CKMT2: variants seen among roughly 807,000 people sequenced by gnomAD.
CKMT2 encodes the protein creatine kinase S-type, mitochondrial.
CKMT2 carries 43 observed loss-of-function variants against 48.9 expected under a neutral mutation model. The observed-to-expected ratio is 0.88, with a 90% confidence interval of 0.69 to 1.13. The LOEUF (loss-of-function observed/expected upper bound fraction) is 1.13, where lower values mean the gene tolerates loss of function less well. Among genes scored for constraint, CKMT2 ranks in the 50% most tolerant of loss-of-function variants. The probability of loss-of-function intolerance (pLI) is 0.00; values close to 1 mark genes in which losing one functional copy is unlikely to be tolerated. For synonymous variants in CKMT2, 206 were observed against 213.0 expected (o/e 0.97, Z 0.29); for missense variants, 472 against 555.4 (o/e 0.85, Z 1.51).
In CKMT2 at chr5:81,263,527, C is replaced by T; in HGVS notation, c.1051C>T (p.Leu351Phe). ...TTCTAAGATCCTGGAAAACCTAAGA[C>T]TCCAGAAGCGTGGCACAGGTGGTGT... is the stretch of plus-strand genomic sequence containing the variant. Reference protein sequence around the residue: ...RFSKILENLRLQKRGTGGVDT... With the variant: ...RFSKILENLRFQKRGTGGVDT... The change falls in exon 9 of 10, where the codon CTC (leucine) becomes TTC (phenylalanine). Residue 351 changes from leucine (L) to phenylalanine (F), a missense_variant. Physicochemically the swap from Leu to Phe is conservative, Grantham distance 22. Transcript: ENST00000254035. 7 of 1,613,354 alleles carry T rather than the reference C, an allele frequency of 4.3e-6. No homozygotes were observed. Among genetic ancestry groups the T allele is most frequent in the Non-Finnish European group, 5.9e-6 (7 of 1,179,522 alleles).
At position 81,257,751 on chromosome 5, in the gene CKMT2, A is replaced by ATTTC. The variant is rs750603389; in HGVS notation, c.776_779dup (p.Ile261SerfsTer6). On this transcript the variant is annotated frameshift_variant, in exon 7 of 10. Coordinates refer to ENST00000254035, the MANE Select transcript of CKMT2 (RefSeq NM_001099735.2). LOFTEE classifies it high-confidence loss of function. ...TCATTAGGCATAATTATGATAAGAC[A>ATTTC]TTTCTCATCTGGATAAATGAGGAGG... 1.2e-6 allele frequency: 2 copies of ATTTC among 1,612,044 alleles called. No individual in the cohort carries two copies. The highest frequency in any genetic ancestry group is 2.2e-5 in the South Asian group (2 of 90,990).
intron 1 of CKMT2, among the ~76,000 whole-genome samples, chr5:81,248,963 A>C (rs749899862): frequency 6.6e-6 from 1 of 152,028 alleles, no homozygotes; most frequent in Non-Finnish European, 1.5e-5. Context: ...ACACATCAGC[A>C]AGTTCTTTGA....
intron 2 of CKMT2, 89 bp from the exon 3 acceptor site, chr5:81,252,606 T>G (rs1310598509): frequency 1.5e-6 from 2 of 1,336,828 alleles, no homozygotes; most frequent in Admixed American, 1.7e-5. Context: ...GAAGGGAGCC[T>G]AGTGGAAGGA....
rs200838735 is a variant in CKMT2 at position 81,263,569 on chromosome 5, G to A, written c.1093G>A (p.Ala365Thr). 18 of 1,612,556 alleles carry A rather than the reference G, an allele frequency of 1.1e-5. No homozygotes were observed. The highest frequency in any genetic ancestry group is 1.7e-4 in the Middle Eastern group (1 of 6,046). Residue 365 changes from alanine (A) to threonine (T), a missense_variant, in exon 9 of 10, where the codon GCA becomes ACA. Coordinates refer to ENST00000254035, the MANE Select transcript of CKMT2 (RefSeq NM_001099735.2). ...GTGGVDTAAV[A>T]DVYDISNIDR... is the part of the protein sequence containing the mutation. ...AGGTGGTGTGGACACTGCCGCGGTC[G>A]CAGATGTGTACGACATTTCCAACAT...
At chr5:81,259,813 A>G (rs1757149045) in intron 8 of CKMT2, among the ~76,000 whole-genome samples, 1 of 152,152 alleles carries the variant, frequency 6.6e-6, no homozygotes, top group Non-Finnish European at 1.5e-5. Context: ...TATTAGATCA[A>G]CCAGACAAAA....
At chr5:81,234,664 TG>T in intron 1 of CKMT2, among the ~76,000 whole-genome samples, 1 of 152,272 alleles carries the variant, frequency 6.6e-6, no homozygotes, top group Admixed American at 6.5e-5. Flanking sequence ...ATGCACCCCA[TG>T]GACTCTGCCA....
At chr5:81,260,013 AAC>A (rs1454785419) in intron 8 of CKMT2, among the ~76,000 whole-genome samples, 1 of 152,230 alleles carries the variant, frequency 6.6e-6, no homozygotes, top group African/African-American at 2.4e-5. Flanking sequence ...CGGATATCAT[AAC>A]AGTCTCTCAG....
At chr5:81,244,093 G>A (rs1425393229) in intron 1 of CKMT2, 2 of 985,330 alleles carry the variant, frequency 2.0e-6, no homozygotes, top group Non-Finnish European at 2.4e-6. Flanking sequence ...GGGTTGGGGA[G>A]GAACCAGGGG....
At chr5:81,263,220 G>C (rs1454835908) in intron 8 of CKMT2, among the ~76,000 whole-genome samples, 1 of 151,776 alleles carries the variant, frequency 6.6e-6, no homozygotes, top group East Asian at 1.9e-4. Context: ...AAATACCTAA[G>C]GTTGATGATG....
chr5:81,238,580 C>T (rs1756327224), intron 1 of CKMT2: 1 of 152,232 alleles, frequency 6.6e-6, no homozygotes, highest in Admixed American at 6.6e-5. Context: ...TCACCACCTC[C>T]AAATTCAAGT....
chr5:81,239,033 C>T (rs148583851), intron 1 of CKMT2: 3,503 of 152,206 alleles, frequency 0.023, 41 homozygotes, highest in South Asian at 0.044. Flanking sequence ...GATGGACAAA[C>T]GGATGGATGA....
At chr5:81,237,015 G>A (rs1224867790) in intron 1 of CKMT2, among the ~76,000 whole-genome samples, 2 of 152,156 alleles carry the variant, frequency 1.3e-5, no homozygotes, top group African/African-American at 2.4e-5. Flanking sequence ...CACATGTGGT[G>A]GTGGGCGCCT....
chr5:81,254,417 C>T lies in CKMT2; in HGVS notation c.373C>T (p.Pro125Ser), dbSNP rs1249464557. Residue 125 changes from proline (P) to serine (S), a missense_variant, in exon 4 of 10, where the codon CCC becomes TCC. Pro to Ser is a moderately conservative substitution (Grantham distance 74). Coordinates refer to ENST00000254035, the MANE Select transcript of CKMT2 (RefSeq NM_001099735.2). ...GCAGGTGTTTGCTGACCTTTTTGACCCCGTCATCAAACTAAGACACAACGG... is the reference window on the plus strand; with the variant it reads ...GCAGGTGTTTGCTGACCTTTTTGACTCCGTCATCAAACTAAGACACAACGG... ...SYEVFADLFD[P>S]VIKLRHNGYD... 1 of 1,613,874 alleles carries T rather than the reference C, an allele frequency of 6.2e-7. No individual in the cohort carries two copies. The highest frequency in any genetic ancestry group is 1.3e-5 in the African/African-American group (1 of 74,886).
Position 81,266,246 on chromosome 5 carries a change from T to G in CKMT2, c.1248T>G (p.Phe416Leu). 1 of 1,613,054 alleles carries G rather than the reference T, an allele frequency of 6.2e-7. No individual in the cohort carries two copies. Reference protein sequence around the residue: ...DIKVPPPLPQFGKK With the variant: ...DIKVPPPLPQLGKK ...AGGTGCCACCCCCTCTGCCTCAGTT[T>G]GGCAAAAAGTAAACTTTCCCTTTCC... The change falls in exon 10 of 10, where the codon TTT becomes TTG. Residue 416 changes from phenylalanine (F) to leucine (L), a missense_variant. Coordinates refer to ENST00000254035, the MANE Select transcript of CKMT2 (RefSeq NM_001099735.2).
At chr5:81,255,896 A>T (rs1408298627) in intron 5 of CKMT2, among the ~76,000 whole-genome samples, 1 of 151,652 alleles carries the variant, frequency 6.6e-6, no homozygotes, top group African/African-American at 2.4e-5. Flanking sequence ...CCTCATTTCC[A>T]AACCAGACAG....
At chr5:81,242,756 G>A (rs1756479989) in intron 1 of CKMT2, among the ~76,000 whole-genome samples, 2 of 152,222 alleles carry the variant, frequency 1.3e-5, no homozygotes, top group Non-Finnish European at 2.9e-5. Flanking sequence ...AAGCAGGAGT[G>A]AGGGGGTATC....
intron 1 of CKMT2, among the ~76,000 whole-genome samples, chr5:81,248,623 C>G (rs1260280798): frequency 2.0e-5 from 3 of 152,130 alleles, no homozygotes; most frequent in African/African-American, 7.2e-5. Context: ...TACAAGTCCC[C>G]AGGACAACTT....
At position 81,257,417 on chromosome 5, in the gene CKMT2, A is replaced by G. The variant is rs552116379; in HGVS notation, c.756-316A>G. Among the ~76,000 whole-genome samples the G allele has an allele frequency of 5.9e-5, 9 of 152,250 alleles. No individual in the cohort carries two copies. In the East Asian group the frequency reaches 1.3e-3, roughly 23 times the overall value. On this transcript the variant is annotated intron_variant, in intron 6 of 9. Coordinates refer to ENST00000254035, the MANE Select transcript of CKMT2 (RefSeq NM_001099735.2). ...TTTTGGTTGAATCTTTTAGGAGACA[A>G]AACATTCTTGTTAATGTCGAAGCCA... is the stretch of plus-strand genomic sequence containing the variant.
intron 1 of CKMT2, among the ~76,000 whole-genome samples, chr5:81,241,874 G>A (rs1036005007): frequency 6.6e-6 from 1 of 151,746 alleles, no homozygotes; most frequent in Admixed American, 6.6e-5. Flanking sequence ...TGGGGTGGGA[G>A]GAAATTTAAA....
Sources: allele counts gnomAD v4.1 joint callset (sites outside exome capture counted in the v4.1 genomes callset), GRCh38; gene constraint gnomAD v4.1.1; transcripts MANE v1.5; gene names NCBI Gene and HGNC (gene_info 2026-07-23, HGNC 2026-07-21).